Variants in BRD10 observed in about 807,000 individuals in gnomAD.
BRD10 encodes uncharacterized bromodomain-containing protein 10.
the BRD10 span, among the ~76,000 whole-genome samples, chr9:5,974,668 A>C: frequency 1.3e-4 from 20 of 152,220 alleles, no homozygotes; most frequent in Non-Finnish European, 2.8e-4. Flanking sequence ...GCACAGTACC[A>C]ATGAGTAGAG....
chr9:6,005,387 C>G, the BRD10 span, among the ~76,000 whole-genome samples: 1 of 152,202 alleles, frequency 6.6e-6, no homozygotes, highest in African/African-American at 2.4e-5. Flanking sequence ...GACAACTAAC[C>G]CCAGCTACTC....
the BRD10 span, among the ~76,000 whole-genome samples, chr9:5,938,419 C>CTGGG: frequency 1.3e-5 from 2 of 151,954 alleles, no homozygotes; most frequent in African/African-American, 4.8e-5. Context: ...GCACTCCAGC[C>CTGGG]TGGGTGACAG....
At chr9:5,897,298 G>A in the BRD10 span, among the ~76,000 whole-genome samples, 1 of 152,186 alleles carries the variant, frequency 6.6e-6, no homozygotes, top group Non-Finnish European at 1.5e-5. Context: ...CTCATACCTG[G>A]AACTTGGGTG....
At chr9:5,886,570 A>G in the BRD10 span, among the ~76,000 whole-genome samples, 1 of 152,176 alleles carries the variant, frequency 6.6e-6, no homozygotes, top group Non-Finnish European at 1.5e-5. Context: ...CACTGAAGAG[A>G]TGAAGTGCAA....
At chr9:6,008,312 C>T in the BRD10 span, 2 of 984,912 alleles carry the variant, frequency 2.0e-6, no homozygotes, top group African/African-American at 1.7e-5. Flanking sequence ...GGAGGCGGTG[C>T]ACGGACGGGG....
At chr9:5,891,226 G>T in the BRD10 span, 2 of 152,240 alleles carry the variant, frequency 1.3e-5, no homozygotes. Context: ...GTCACTTAAA[G>T]AACCACTTCT....
the BRD10 span, among the ~76,000 whole-genome samples, chr9:5,991,184 A>G: frequency 1.6e-3 from 15 of 9,306 alleles, no homozygotes; most frequent in Non-Finnish European, 0.01. Context: ...GTGTGTGTAT[A>G]TATATATATA....
chr9:6,000,055 G>A, the BRD10 span, among the ~76,000 whole-genome samples: 2 of 152,064 alleles, frequency 1.3e-5, no homozygotes, highest in Non-Finnish European at 2.9e-5. Flanking sequence ...TATGCTTATT[G>A]TAGAATATCT....
the BRD10 span, chr9:5,922,012 A>T: frequency 1.9e-6 from 3 of 1,613,926 alleles, no homozygotes; most frequent in South Asian, 2.2e-5. Flanking sequence ...CAGAGGAAGA[A>T]GTTGTTGATT....
chr9:5,926,971 T>C, the BRD10 span, among the ~76,000 whole-genome samples: 4 of 152,160 alleles, frequency 2.6e-5, no homozygotes, highest in Non-Finnish European at 5.9e-5. Context: ...TCAGTTTATG[T>C]AGGTTTTCAA....
chr9:5,937,762 A>C, the BRD10 span, among the ~76,000 whole-genome samples: 1 of 152,230 alleles, frequency 6.6e-6, no homozygotes, highest in Admixed American at 6.5e-5. Context: ...CAAACCATCA[A>C]GCCAAACTGC....
the BRD10 span, among the ~76,000 whole-genome samples, chr9:5,893,668 C>T: frequency 6.6e-6 from 1 of 152,184 alleles, no homozygotes; most frequent in Non-Finnish European, 1.5e-5. Context: ...TGTATAATCA[C>T]TCAACAGACT....
chr9:5,925,024 G>A, the BRD10 span, among the ~76,000 whole-genome samples: 1 of 152,138 alleles, frequency 6.6e-6, no homozygotes, highest in Non-Finnish European at 1.5e-5. Context: ...CAGGAAGACA[G>A]AACCTATGGT....
the BRD10 span, among the ~76,000 whole-genome samples, chr9:5,914,930 A>G: frequency 2.0e-5 from 3 of 152,150 alleles, no homozygotes; most frequent in Admixed American, 1.3e-4. Context: ...AAAAATGTGA[A>G]TAACAATATG....
the BRD10 span, among the ~76,000 whole-genome samples, chr9:5,986,092 A>G: frequency 6.6e-6 from 1 of 152,158 alleles, no homozygotes; most frequent in Admixed American, 6.5e-5. Flanking sequence ...TACGTTCAGC[A>G]TGCATTAGCT....
the BRD10 span, chr9:5,922,162 CTG>C: frequency 1.2e-6 from 2 of 1,613,958 alleles, no homozygotes; most frequent in Non-Finnish European, 1.7e-6. Flanking sequence ...CAAGAATTGA[CTG>C]TGAATCTCTT....
the BRD10 span, among the ~76,000 whole-genome samples, chr9:5,970,073 T>A: frequency 6.6e-6 from 1 of 152,160 alleles, no homozygotes; most frequent in Non-Finnish European, 1.5e-5. Context: ...TGACTTCACA[T>A]AAAAGCTGTA....
At chr9:5,952,876 G>C in the BRD10 span, among the ~76,000 whole-genome samples, 1 of 152,038 alleles carries the variant, frequency 6.6e-6, no homozygotes, top group East Asian at 1.9e-4. Context: ...CAGTAAAATT[G>C]TTATTTTTTT....
At chr9:5,994,582 G>GT in the BRD10 span, among the ~76,000 whole-genome samples, 1 of 152,058 alleles carries the variant, frequency 6.6e-6, no homozygotes, top group Non-Finnish European at 1.5e-5. Flanking sequence ...CTCATTTGCT[G>GT]TAACATAATT....
Sources: allele counts gnomAD v4.1 joint callset (sites outside exome capture counted in the v4.1 genomes callset), GRCh38; gene constraint gnomAD v4.1.1; transcripts MANE v1.5; gene names NCBI Gene and HGNC (gene_info 2026-07-23, HGNC 2026-07-21).